Variants in RASGRF2 observed in about 807,000 individuals in gnomAD.
The protein encoded by RASGRF2 is ras-specific guanine nucleotide-releasing factor 2.
Under a neutral mutation model 151.0 loss-of-function variants are expected in RASGRF2, and 76 were observed. That is an observed-to-expected ratio of 0.50 (90% CI 0.42 to 0.61). The LOEUF (loss-of-function observed/expected upper bound fraction) is 0.61. RASGRF2 is among the 20% of genes least tolerant of loss of function. The pLI is 0.00. For missense variants in RASGRF2, 1,148 were observed against 1,564.6 expected (o/e 0.73, Z 4.49); for synonymous variants, 504 against 566.5 (o/e 0.89, Z 1.57).
intron 17 of RASGRF2, among the ~76,000 whole-genome samples, chr5:81,169,791 AACCTGCACCACCTGCATC>A (rs1213009968): frequency 1.2e-4 from 18 of 150,976 alleles, no homozygotes; most frequent in South Asian, 2.1e-4. Flanking sequence ...CCTTTGCCCA[AACCTGCACCACCTGCATC>A]ACCTGCACCA....
At chr5:81,103,565 A>G (rs574581503) in intron 12 of RASGRF2, among the ~76,000 whole-genome samples, 2 of 152,240 alleles carry the variant, frequency 1.3e-5, no homozygotes, top group African/African-American at 4.8e-5. Flanking sequence ...AGGAATTTTA[A>G]AAGTGGATGA....
At chr5:81,136,153 T>C (rs537774205) in intron 17 of RASGRF2, among the ~76,000 whole-genome samples, 1 of 152,328 alleles carries the variant, frequency 6.6e-6, no homozygotes, top group East Asian at 1.9e-4. Context: ...ATTATTACTT[T>C]AAGCAAAGTT....
rs1259113467 is a variant in RASGRF2 at position 81,212,398 on chromosome 5, C to A, written c.3189C>A (p.Asn1063Lys). 6.2e-7 allele frequency: 1 copy of A among 1,612,156 alleles called. No individual in the cohort carries two copies. Among genetic ancestry groups the A allele is most frequent in the South Asian group, 1.1e-5 (1 of 90,884 alleles). The change falls in exon 23 of 27, where the codon AAC becomes AAA. Residue 1063 changes from asparagine to lysine, a missense_variant. This residue lies in a region of RASGRF2 where 646 missense variants were observed against 807.4 expected (regional missense o/e 0.80). Coordinates refer to ENST00000265080, the MANE Select transcript of RASGRF2 (RefSeq NM_006909.3). ...MSNLVASQIM[N>K]YADVSSRANA... The stretch of plus-strand genomic sequence containing the variant: ...ACCTGGTGGCCTCCCAGATAATGAA[C>A]TATGCTGATGTCAGCTCCCGTGCCA...
At chr5:80,977,551 C>G (rs1207929136) in intron 1 of RASGRF2, among the ~76,000 whole-genome samples, 1 of 152,128 alleles carries the variant, frequency 6.6e-6, no homozygotes, top group African/African-American at 2.4e-5. Context: ...CGACCTCCAT[C>G]TCCTGGGTTC....
intron 1 of RASGRF2, among the ~76,000 whole-genome samples, chr5:80,991,541 C>T (rs958679856): frequency 6.6e-6 from 1 of 152,130 alleles, no homozygotes; most frequent in African/African-American, 2.4e-5. Flanking sequence ...CCTTTTTCAC[C>T]TTTTTCCAGT....
chr5:81,126,208 C>T (rs922425016), intron 16 of RASGRF2, among the ~76,000 whole-genome samples: 8 of 152,164 alleles, frequency 5.3e-5, no homozygotes, highest in Non-Finnish European at 1.0e-4. Flanking sequence ...TGTGTACAGT[C>T]CGAGGAGTGA....
Position 81,127,091 on chromosome 5 carries a change from G to A in RASGRF2, c.2614G>A (p.Ala872Thr), listed in dbSNP as rs370186828. The A allele has an allele frequency of 1.2e-6, 2 of 1,614,066 alleles. No homozygotes were observed. The highest frequency in any genetic ancestry group is 1.7e-6 in the Non-Finnish European group (2 of 1,179,966). The change falls in exon 17 of 27, where the codon GCC (alanine) becomes ACC (threonine). Residue 872 changes from alanine to threonine, a missense_variant. By Grantham distance (58) the Ala-to-Thr change is moderately conservative. Coordinates refer to ENST00000265080, the MANE Select transcript of RASGRF2 (RefSeq NM_006909.3). ...RQPGGQTADNAHCSVSPASAF... is the reference protein window; with the variant it reads ...RQPGGQTADNTHCSVSPASAF... ...ATAACCAGGACAGACGGCGGACAAT[G>A]CCCACTGCTCTGTTTCACCGGCTTC...
chr5:81,151,277 G>T (rs1754128635), intron 17 of RASGRF2, among the ~76,000 whole-genome samples: 1 of 152,130 alleles, frequency 6.6e-6, no homozygotes, highest in African/African-American at 2.4e-5. Flanking sequence ...TTTTAAAAAG[G>T]TCTTGAGGCA....
At chr5:81,188,962 T>G (rs1394293122) in intron 18 of RASGRF2, among the ~76,000 whole-genome samples, 1 of 152,242 alleles carries the variant, frequency 6.6e-6, no homozygotes, top group Non-Finnish European at 1.5e-5. Flanking sequence ...ATAGCACATG[T>G]CAACACTGCC....
chr5:81,203,188 A>C (rs561968450), intron 19 of RASGRF2, among the ~76,000 whole-genome samples: 7 of 152,344 alleles, frequency 4.6e-5, no homozygotes, highest in Admixed American at 1.3e-4. Flanking sequence ...TTTTCTCTTC[A>C]TAACTAGTTT....
In RASGRF2 at chr5:81,228,008, G is replaced by A. The variant is rs1756033930; in HGVS notation, c.*2238G>A. On this transcript the variant is annotated 3_prime_UTR_variant, in exon 27 of 27. Transcript: ENST00000265080. Reference sequence around the variant, plus strand: ...CTTCAACTAGTGACAAAGCTTTTGCGCCTATTTCCTGCAGGATGTTGGAAC... The same window carrying A: ...CTTCAACTAGTGACAAAGCTTTTGCACCTATTTCCTGCAGGATGTTGGAAC... 1.3e-5 allele frequency: 2 copies of A among 152,062 alleles called. No individual in the cohort carries two copies. The highest frequency in any genetic ancestry group is 6.6e-5 in the Admixed American group (1 of 15,266). 9.4% of individuals were successfully genotyped at this position (152,062 alleles called of 1,614,324 possible).
rs189450893 is a variant in RASGRF2, at chr5:81,149,382, G to A, written c.2686+22219G>A. 2.4e-3 allele frequency among the ~76,000 whole-genome samples: 359 copies of A among 152,192 alleles called. 2 individuals are homozygous for A. Among genetic ancestry groups the A allele is most frequent in the Admixed American group, 5.1e-3 (78 of 15,278 alleles). On this transcript the variant is annotated intron_variant, in intron 17 of 26. Coordinates refer to ENST00000265080, the MANE Select transcript of RASGRF2 (RefSeq NM_006909.3). ...CTAAGTGAGGTAACTCAGGAATGGA[G>A]AACCAAACATCGTATGTTCTCACTT...
At chr5:81,104,881 A>G (rs1179855542) in intron 12 of RASGRF2, among the ~76,000 whole-genome samples, 1 of 152,108 alleles carries the variant, frequency 6.6e-6, no homozygotes, top group Non-Finnish European at 1.5e-5. Flanking sequence ...AGCTCCCTGG[A>G]GTGGGCTCAT....
chr5:81,153,785 AAG>A (rs1044997343), intron 17 of RASGRF2, among the ~76,000 whole-genome samples: 11 of 152,330 alleles, frequency 7.2e-5, no homozygotes, highest in African/African-American at 2.6e-4. Flanking sequence ...CCATATAAAA[AAG>A]AAATATCTAA....
intron 1 of RASGRF2, among the ~76,000 whole-genome samples, chr5:81,004,718 G>T (rs1007198157): frequency 6.6e-5 from 10 of 152,308 alleles, no homozygotes; most frequent in African/African-American, 2.2e-4. Context: ...AGTTGAAATG[G>T]CTCTGGAGAA....
In RASGRF2 at chr5:81,112,627, A is replaced by T; in HGVS notation, c.1856A>T (p.His619Leu). The change falls in exon 14 of 27, where the codon CAT (histidine) becomes CTT (leucine). Residue 619 changes from histidine to leucine, a missense_variant. Coordinates refer to ENST00000265080, the MANE Select transcript of RASGRF2 (RefSeq NM_006909.3). ...GCACGTAGGTCTGATGCCCGTCTTC[A>T]TAAAGACGACACTGACATTTGCTTC... ...PHMIKSDARL[H>L]KDDTDICFSK... 6.2e-7 allele frequency: 1 copy of T among 1,614,214 alleles called. No homozygotes were observed.
At chr5:81,221,142 G>A (rs529631062) in intron 26 of RASGRF2, among the ~76,000 whole-genome samples, 16 of 152,118 alleles carry the variant, frequency 1.1e-4, no homozygotes, top group Non-Finnish European at 2.1e-4. Context: ...AGCTTGAATC[G>A]CCTGGCTAAG....
chr5:80,987,948 C>A (rs1748523720), intron 1 of RASGRF2, among the ~76,000 whole-genome samples: 1 of 149,458 alleles, frequency 6.7e-6, no homozygotes, highest in Non-Finnish European at 1.5e-5. Flanking sequence ...TCATCTTTCT[C>A]TGTGTTTCAT....
At chr5:81,067,969 C>A (rs1751658055) in intron 2 of RASGRF2, 63 bp from the exon 3 acceptor site, 3 of 1,330,384 alleles carry the variant, frequency 2.3e-6, no homozygotes, top group Non-Finnish European at 2.0e-6. Flanking sequence ...ATATTATATT[C>A]TATATGGAAC....
Sources: gnomAD v4.1 joint callset for allele counts (sites outside exome capture counted in the v4.1 genomes callset) on GRCh38, gnomAD v4.1.1 for gene constraint, gnomAD v4.1.1 regional missense constraint, MANE v1.5 for transcripts, NCBI Gene and HGNC (gene_info 2026-07-23, HGNC 2026-07-21) for gene names.